Variants in RPS6KC1 observed in about 807,000 individuals in gnomAD.
RPS6KC1 encodes the protein inactive ribosomal protein S6 kinase delta-1.
RPS6KC1 carries 54 observed loss-of-function variants against 103.8 expected under a neutral mutation model. That is an observed-to-expected ratio of 0.52 (90% CI 0.42 to 0.65). RPS6KC1 has a LOEUF of 0.65. Among genes scored for constraint, RPS6KC1 ranks in the 30% least tolerant of loss-of-function variants. RPS6KC1 has a pLI of 0.00. For synonymous variants in RPS6KC1, 439 were observed against 438.7 expected, an observed-to-expected ratio of 1.00 and a Z score of -0.01; for missense variants, 1,151 against 1,253.8, an observed-to-expected ratio of 0.92 and a Z score of 1.24.
intron 8 of RPS6KC1, among the ~76,000 whole-genome samples, chr1:213,182,850 CAT>C (rs1022422010): frequency 6.8e-6 from 1 of 146,188 alleles, no homozygotes; most frequent in Non-Finnish European, 1.5e-5. Context: ...ATTTATATAT[CAT>C]GATATATATG....
the RPS6KC1 span, among the ~76,000 whole-genome samples, chr1:213,335,615 C>T: frequency 6.6e-6 from 1 of 152,178 alleles, no homozygotes; most frequent in African/African-American, 2.4e-5. Context: ...TATGCACACA[C>T]CTGCCACTCC....
At chr1:213,190,711 C>G (rs948572848) in intron 8 of RPS6KC1, among the ~76,000 whole-genome samples, 1 of 152,186 alleles carries the variant, frequency 6.6e-6, no homozygotes, top group Non-Finnish European at 1.5e-5. Context: ...GCGTATTACT[C>G]AATAAATTTT....
At chr1:213,790,336 A>G in the RPS6KC1 span, among the ~76,000 whole-genome samples, 1 of 152,196 alleles carries the variant, frequency 6.6e-6, no homozygotes, top group Non-Finnish European at 1.5e-5. Context: ...GAGAGAGCCT[A>G]CAGTCAACAG....
At chr1:213,653,239 G>A in the RPS6KC1 span, among the ~76,000 whole-genome samples, 1 of 152,138 alleles carries the variant, frequency 6.6e-6, no homozygotes, top group East Asian at 1.9e-4. Context: ...CGGGCAGATA[G>A]CTTGAGCCAT....
At chr1:213,462,397 C>G in the RPS6KC1 span, among the ~76,000 whole-genome samples, 3 of 152,150 alleles carry the variant, frequency 2.0e-5, no homozygotes, top group Non-Finnish European at 2.9e-5. Flanking sequence ...ACCCAGCAAT[C>G]CCATTATGGG....
the RPS6KC1 span, among the ~76,000 whole-genome samples, chr1:213,460,328 G>GTAATGCCCT: frequency 6.6e-6 from 1 of 150,928 alleles, no homozygotes; most frequent in Non-Finnish European, 1.5e-5. Context: ...TTACCATTAT[G>GTAATGCCCT]TAATGCCCTT....
chr1:213,521,382 C>T, the RPS6KC1 span, among the ~76,000 whole-genome samples: 73 of 152,280 alleles, frequency 4.8e-4, no homozygotes, highest in African/African-American at 1.5e-3. Flanking sequence ...CTAAGCCTTC[C>T]GTGAGTCAAT....
At chr1:213,314,112 G>C in the RPS6KC1 span, among the ~76,000 whole-genome samples, 5 of 151,678 alleles carry the variant, frequency 3.3e-5, no homozygotes, top group African/African-American at 9.7e-5. Flanking sequence ...GTTGGTCCTC[G>C]GCCTTCCTTG....
chr1:213,685,385 C>T, the RPS6KC1 span, among the ~76,000 whole-genome samples: 1 of 152,130 alleles, frequency 6.6e-6, no homozygotes, highest in Non-Finnish European at 1.5e-5. Context: ...AATCCCAGCA[C>T]TTTGGGAGGC....
chr1:213,635,177 G>A, the RPS6KC1 span, among the ~76,000 whole-genome samples: 7 of 152,190 alleles, frequency 4.6e-5, no homozygotes, highest in African/African-American at 9.6e-5. Flanking sequence ...ATTCACAGCC[G>A]AATTCTACCA....
chr1:213,195,546 T>G (rs2092913345), intron 8 of RPS6KC1, among the ~76,000 whole-genome samples: 1 of 152,202 alleles, frequency 6.6e-6, no homozygotes, highest in Non-Finnish European at 1.5e-5. Flanking sequence ...TCTGAGATTT[T>G]GGTGCATCTA....
At chr1:213,513,781 T>C in the RPS6KC1 span, among the ~76,000 whole-genome samples, 1 of 152,112 alleles carries the variant, frequency 6.6e-6, no homozygotes, top group Non-Finnish European at 1.5e-5. Context: ...AAGAACAAGA[T>C]AATATTGTAC....
At chr1:213,661,974 C>T in the RPS6KC1 span, among the ~76,000 whole-genome samples, 1 of 152,122 alleles carries the variant, frequency 6.6e-6, no homozygotes, top group African/African-American at 2.4e-5. Context: ...ATAGATTCTA[C>T]TGAATTCCTA....
chr1:213,346,673 G>T, the RPS6KC1 span, among the ~76,000 whole-genome samples: 3 of 152,050 alleles, frequency 2.0e-5, 1 homozygote, highest in South Asian at 6.2e-4. Context: ...GACATAGTAT[G>T]ATACCTTTAA....
At chr1:213,441,146 C>A in the RPS6KC1 span, among the ~76,000 whole-genome samples, 5 of 152,124 alleles carry the variant, frequency 3.3e-5, no homozygotes, top group African/African-American at 9.7e-5. Flanking sequence ...TTCACATAGG[C>A]CCCTTTAAAC....
the RPS6KC1 span, among the ~76,000 whole-genome samples, chr1:213,362,648 A>T: frequency 6.6e-6 from 1 of 152,206 alleles, no homozygotes. Context: ...CAACTGGCTC[A>T]TGATGGTTAA....
the RPS6KC1 span, among the ~76,000 whole-genome samples, chr1:213,599,799 C>T: frequency 1.3e-5 from 2 of 152,200 alleles, no homozygotes; most frequent in East Asian, 3.9e-4. Context: ...TGACCTGCCT[C>T]CTCTTCCCTC....
intron 8 of RPS6KC1, among the ~76,000 whole-genome samples, chr1:213,211,945 G>T (rs1166121640): frequency 2.0e-5 from 3 of 152,088 alleles, no homozygotes; most frequent in African/African-American, 7.2e-5. Context: ...CAGTTTTAGG[G>T]TGACAGCAAA....
the RPS6KC1 span, among the ~76,000 whole-genome samples, chr1:213,686,705 T>C: frequency 1.3e-5 from 2 of 152,304 alleles, no homozygotes; most frequent in East Asian, 3.9e-4. Context: ...AGAGGGTTCT[T>C]GGATTGCATG....
Sources: gnomAD v4.1 joint callset for allele counts (sites outside exome capture counted in the v4.1 genomes callset) on GRCh38, gnomAD v4.1.1 for gene constraint, MANE v1.5 for transcripts, NCBI Gene and HGNC (gene_info 2026-07-23, HGNC 2026-07-21) for gene names.